Variants in NDST3 observed in about 807,000 individuals in gnomAD.
NDST3 encodes N-deacetylase and N-sulfotransferase 3.
NDST3 carries 58 observed loss-of-function variants against 96.1 expected under a neutral mutation model. The observed-to-expected ratio is 0.60, with a 90% CI of 0.49 to 0.75. NDST3 has a LOEUF of 0.75. Among genes scored for constraint, NDST3 ranks in the 30% least tolerant of loss-of-function variants. The pLI, the probability that NDST3 is intolerant of heterozygous loss-of-function variation, is 0.00. For missense variants in NDST3, 788 were observed against 1,034.2 expected (o/e 0.76, Z 3.27); for synonymous variants, 333 against 359.7 (o/e 0.93, Z 0.84).
chr4:118,200,133 A>G (rs1737972981), intron 6 of NDST3, among the ~76,000 whole-genome samples: 1 of 152,218 alleles, frequency 6.6e-6, no homozygotes, highest in African/African-American at 2.4e-5. Context: ...CTTGAGGGTG[A>G]TGAGTTTCTC....
intron 2 of NDST3, among the ~76,000 whole-genome samples, chr4:118,067,423 T>C (rs1726682050): frequency 1.3e-5 from 2 of 152,020 alleles, no homozygotes; most frequent in African/African-American, 2.4e-5. Flanking sequence ...AGGGACACTG[T>C]CATTGCTCTA....
chr4:118,077,657 C>T (rs1727659088), intron 2 of NDST3, among the ~76,000 whole-genome samples: 1 of 152,142 alleles, frequency 6.6e-6, no homozygotes, highest in South Asian at 2.1e-4. Context: ...GGAGGTACAC[C>T]CCATGCCTCC....
chr4:118,241,214 G>A (rs1740985190), intron 11 of NDST3, among the ~76,000 whole-genome samples: 1 of 152,126 alleles, frequency 6.6e-6, no homozygotes, highest in South Asian at 2.1e-4. Flanking sequence ...ATGCTTTCCA[G>A]TATGACAGCC....
At chr4:118,119,388 C>T (rs763978910) in intron 4 of NDST3, among the ~76,000 whole-genome samples, 2 of 152,104 alleles carry the variant, frequency 1.3e-5, no homozygotes, top group Non-Finnish European at 2.9e-5. Context: ...TGAATACTAC[C>T]ACTTTTATTT....
chr4:118,140,628 A>G (rs941313315), intron 5 of NDST3, among the ~76,000 whole-genome samples: 10 of 152,226 alleles, frequency 6.6e-5, no homozygotes, highest in South Asian at 2.1e-4. Context: ...ATGGACTCAT[A>G]GTTCAGCATG....
chr4:118,095,174 T>C (rs1050860500), intron 2 of NDST3, among the ~76,000 whole-genome samples: 2 of 151,818 alleles, frequency 1.3e-5, no homozygotes, highest in African/African-American at 4.8e-5. Flanking sequence ...GTAAACCACA[T>C]GAGTATTTGG....
intron 2 of NDST3, among the ~76,000 whole-genome samples, chr4:118,089,672 TATTTGAATGCCCCAC>T (rs1296734053): frequency 6.6e-6 from 1 of 152,008 alleles, no homozygotes; most frequent in African/African-American, 2.4e-5. Flanking sequence ...CACCTGTGTA[TATTTGAATGCCCCAC>T]ACCAATTATA....
At chr4:118,124,001 T>A (rs1343314526) in intron 4 of NDST3, among the ~76,000 whole-genome samples, 1 of 152,144 alleles carries the variant, frequency 6.6e-6, no homozygotes, top group Non-Finnish European at 1.5e-5. Context: ...TTACAAAATG[T>A]CATTCCATTT....
At chr4:118,184,213 A>G (rs1002736584) in intron 6 of NDST3, among the ~76,000 whole-genome samples, 1 of 152,196 alleles carries the variant, frequency 6.6e-6, no homozygotes, top group Admixed American at 6.6e-5. Flanking sequence ...ATCCTCTGCC[A>G]TGGTTAATCT....
At chr4:118,071,188 G>A (rs1375928928) in intron 2 of NDST3, among the ~76,000 whole-genome samples, 1 of 152,040 alleles carries the variant, frequency 6.6e-6, no homozygotes, top group Non-Finnish European at 1.5e-5. Context: ...AAACATACGT[G>A]TGCATGTGTC....
At chr4:118,139,713 G>A (rs577180117) in intron 5 of NDST3, among the ~76,000 whole-genome samples, 9 of 152,170 alleles carry the variant, frequency 5.9e-5, no homozygotes, top group South Asian at 4.1e-4. Flanking sequence ...TCTTCCCTTC[G>A]AACCGGCTAT....
intron 4 of NDST3, among the ~76,000 whole-genome samples, chr4:118,117,036 A>C (rs1001050066): frequency 2.5e-4 from 38 of 152,218 alleles, no homozygotes; most frequent in African/African-American, 8.4e-4. Flanking sequence ...ATTTCTTAGA[A>C]GCGTCATTCC....
chr4:118,106,752 C>T (rs904401350), intron 3 of NDST3, among the ~76,000 whole-genome samples: 4 of 152,016 alleles, frequency 2.6e-5, no homozygotes, highest in African/African-American at 9.7e-5. Context: ...GTTCATGCCA[C>T]TGCGCTCCAG....
At chr4:118,139,027 T>C (rs11736688) in intron 5 of NDST3, among the ~76,000 whole-genome samples, 127,448 of 152,144 alleles carry the variant, frequency 0.84, 54,902 homozygotes, top group South Asian at 0.95. Context: ...GAAGAGATGT[T>C]TACCCTTTAG....
chr4:118,252,772 T>C (rs370098727), intron 12 of NDST3, among the ~76,000 whole-genome samples: 89 of 152,184 alleles, frequency 5.8e-4, no homozygotes, highest in African/African-American at 2.0e-3. Flanking sequence ...ATGCCTGTAA[T>C]TCTAGCTACT....
chr4:118,222,960 T>C (rs1350391090), intron 6 of NDST3, among the ~76,000 whole-genome samples: 2 of 151,996 alleles, frequency 1.3e-5, no homozygotes, highest in Non-Finnish European at 2.9e-5. Context: ...GCAGATATTA[T>C]TCAAGTGAAA....
chr4:118,229,071 C>T (rs1444798132), intron 8 of NDST3, among the ~76,000 whole-genome samples: 2 of 152,088 alleles, frequency 1.3e-5, no homozygotes, highest in Admixed American at 6.5e-5. Context: ...GAGACCAAGG[C>T]GGGTGGATCA....
At chr4:118,226,755 T>C in intron 7 of NDST3, 131 bp from the exon 8 acceptor site, 1 of 644,810 alleles carries the variant, frequency 1.6e-6, no homozygotes, top group Non-Finnish European at 2.6e-6. Context: ...GGGCTTTCAT[T>C]TTTTTAAAAG....
rs1725235066 is a variant in NDST3 at position 118,053,796 on chromosome 4, G to A, written c.-115G>A. 1.8e-6 allele frequency: 2 copies of A among 1,089,054 alleles called. No individual in the cohort carries two copies. The highest frequency in any genetic ancestry group is 4.9e-5 in the Admixed American group (2 of 40,626). The allele number at this position is 1,089,054 out of a possible 1,614,324, so 67.5% of individuals were successfully genotyped here. A position where few individuals can be genotyped will look rare whatever the true frequency, so the allele number is the denominator to read the frequency against. On this transcript the variant is annotated 5_prime_UTR_variant, in exon 2 of 14. Coordinates refer to ENST00000296499, the MANE Select transcript of NDST3 (RefSeq NM_004784.3). ...AGTCCTGATCAAGTGATACAAATGA[G>A]CTGCAATGGTGACATAAACTCTTGA... is the stretch of plus-strand genomic sequence containing the variant.
Sources: gnomAD v4.1 joint callset for allele counts (sites outside exome capture counted in the v4.1 genomes callset) on GRCh38, gnomAD v4.1.1 for gene constraint, MANE v1.5 for transcripts, NCBI Gene and HGNC (gene_info 2026-07-23, HGNC 2026-07-21) for gene names.